Variants in MBTD1 observed in about 807,000 individuals in gnomAD.
MBTD1 encodes MBT domain-containing protein 1.
In MBTD1, 24 loss-of-function variants were observed where a neutral mutation model predicts 87.8. The observed-to-expected ratio is 0.27, with a 90% CI of 0.20 to 0.38. MBTD1 has a LOEUF of 0.38. Among genes scored for constraint, MBTD1 ranks in the 10% least tolerant of loss-of-function variants. MBTD1 has a pLI of 1.00. For missense variants in MBTD1, 436 were observed against 760.2 expected, an observed-to-expected ratio of 0.57 and a Z score of 5.02; for synonymous variants, 237 against 248.6, an observed-to-expected ratio of 0.95 and a Z score of 0.44.
chr17:51,194,843 T>C lies in MBTD1; in HGVS notation c.1372+371A>G, dbSNP rs546906687. 3.3e-5 allele frequency among the ~76,000 whole-genome samples: 5 copies of C among 152,064 alleles called. No individual in the cohort carries two copies. In the East Asian group the frequency reaches 7.7e-4, roughly 24 times the overall value. On this transcript the variant is annotated intron_variant, in intron 13 of 16. Coordinates refer to ENST00000586178, the MANE Select transcript of MBTD1 (RefSeq NM_017643.3). Reference sequence around the variant, plus strand: ...GAGTTGAAGTTACCGTGAGCTATGATTGTGCCACTGCACTCCAGCCTGGGC... The same window carrying C: ...GAGTTGAAGTTACCGTGAGCTATGACTGTGCCACTGCACTCCAGCCTGGGC...
chr17:51,220,423 A>G lies in MBTD1; in HGVS notation c.195T>C (p.Ala65=). The change falls in exon 4 of 17, where the codon GCT becomes GCC. Residue 65 remains alanine, a synonymous_variant. Transcript: ENST00000586178. The part of the protein sequence containing the change: ...EMCGMVGVRD[A]FYSKTKRFCS... ...AGAAACGCTTTGTTTTAGAGTAAAA[A>G]GCATCTCGGACGCCAACCATCCCAC... 3 of 1,549,576 alleles carry G rather than the reference A, an allele frequency of 1.9e-6. No individual in the cohort carries two copies. Among genetic ancestry groups the G allele is most frequent in the Non-Finnish European group, 1.7e-6 (2 of 1,145,326 alleles).
At chr17:51,258,101 G>C (rs2055199844) in intron 2 of MBTD1, among the ~76,000 whole-genome samples, 1 of 151,656 alleles carries the variant, frequency 6.6e-6, no homozygotes, top group Non-Finnish European at 1.5e-5. Context: ...AAGTCCACAA[G>C]AGCAAAGCAA....
chr17:51,180,560 C>CA lies in MBTD1; in HGVS notation c.*15dup, dbSNP rs1568138121. ...TGTAAAATCCTTCCCCACCCGCCCT[C>CA]AGTTTCTAAGCCACCTCATGGCTCT... On this transcript the variant is annotated 3_prime_UTR_variant, in exon 17 of 17. Coordinates refer to ENST00000586178, the MANE Select transcript of MBTD1 (RefSeq NM_017643.3). 1 of 1,406,816 alleles carries CA rather than the reference C, an allele frequency of 7.1e-7. No homozygotes were observed. The highest frequency in any genetic ancestry group is 2.0e-5 in the Admixed American group (1 of 49,622). The allele number at this position is 1,406,816 out of a possible 1,614,324, so 87.1% of individuals were successfully genotyped here.
Position 51,193,031 on chromosome 17 carries a change from A to G in MBTD1, c.1456-15T>C. 2 of 1,567,646 alleles carry G rather than the reference A, an allele frequency of 1.3e-6. No individual in the cohort carries two copies. The highest frequency in any genetic ancestry group is 1.8e-6 in the Non-Finnish European group (2 of 1,138,698). On this transcript the variant is annotated splice_polypyrimidine_tract_variant and intron_variant, in intron 14 of 16. Transcript: ENST00000586178. ...TTTGGAACATCCTGACACAGAGAAG[A>G]AAACATTAATATTGGTATGAAGAAG... is the stretch of plus-strand genomic sequence containing the variant.
chr17:51,186,668 G>C (rs1175595133), intron 16 of MBTD1, among the ~76,000 whole-genome samples: 2 of 152,068 alleles, frequency 1.3e-5, no homozygotes, highest in Non-Finnish European at 2.9e-5. Context: ...CAGCTACTCG[G>C]GAGGCTGAGG....
chr17:51,249,315 T>C (rs890696302), intron 2 of MBTD1, among the ~76,000 whole-genome samples: 18 of 152,194 alleles, frequency 1.2e-4, no homozygotes, highest in African/African-American at 4.1e-4. Context: ...TTATATTATT[T>C]AGATCTTTTA....
intron 6 of MBTD1, among the ~76,000 whole-genome samples, chr17:51,214,399 G>C: frequency 6.6e-6 from 1 of 152,110 alleles, no homozygotes; most frequent in Non-Finnish European, 1.5e-5. Flanking sequence ...TATCAAAAAA[G>C]ATATAGTCCT....
rs1382796865 is a variant in MBTD1, at chr17:51,201,715, G to A, written c.1120-19C>T. ...CTTTTACCTAAAGAATTATATGAAAGCACATCTACTGTTACAAATGTTGTT... is the reference window on the plus strand; with the variant it reads ...CTTTTACCTAAAGAATTATATGAAAACACATCTACTGTTACAAATGTTGTT... On this transcript the variant is annotated intron_variant, in intron 11 of 16. Transcript: ENST00000586178. 2 of 1,387,072 alleles carry A rather than the reference G, an allele frequency of 1.4e-6. No individual in the cohort carries two copies. The highest frequency in any genetic ancestry group is 2.9e-5 in the African/African-American group (2 of 70,078). 85.9% of individuals were successfully genotyped at this position (1,387,072 alleles called of 1,614,324 possible). A position where few individuals can be genotyped will look rare whatever the true frequency, so the allele number is the denominator to read the frequency against.
rs979721134 is a variant in MBTD1 at position 51,186,761 on chromosome 17, A to T, written c.1768+5442T>A. ...TGCACTCCAACCTGGGCGACAAAGC[A>T]AGACTCTCGTCTCAAAAAAAAAAAC... On this transcript the variant is annotated intron_variant, in intron 16 of 16. Transcript: ENST00000586178. 4.0e-5 allele frequency among the ~76,000 whole-genome samples: 6 copies of T among 151,866 alleles called. No homozygotes were observed. In the South Asian group the frequency reaches 8.3e-4, roughly 21 times the overall value.
intron 6 of MBTD1, among the ~76,000 whole-genome samples, chr17:51,210,591 A>G (rs1347754704): frequency 1.3e-5 from 2 of 151,950 alleles, no homozygotes; most frequent in African/African-American, 2.4e-5. Context: ...TCCTGTCTCT[A>G]TTAAAAATAC....
intron 6 of MBTD1, among the ~76,000 whole-genome samples, chr17:51,208,359 C>T (rs987198582): frequency 6.6e-5 from 10 of 152,138 alleles, no homozygotes; most frequent in African/African-American, 1.7e-4. Flanking sequence ...ACTATCTCCC[C>T]GACTTGTGCA....
chr17:51,260,880 T>C, upstream of MBTD1: 1 of 1,600,598 alleles, frequency 6.2e-7, no homozygotes, highest in South Asian at 1.1e-5. Flanking sequence ...TTCGGCGACG[T>C]CGAGAACGAC....
At chr17:51,207,830 T>C (rs1281168719) in intron 6 of MBTD1, among the ~76,000 whole-genome samples, 2 of 152,218 alleles carry the variant, frequency 1.3e-5, no homozygotes, top group African/African-American at 2.4e-5. Context: ...ACTTATGCAA[T>C]GGTAAATTAA....
intron 2 of MBTD1, among the ~76,000 whole-genome samples, chr17:51,249,016 C>T (rs1439758605): frequency 6.6e-6 from 1 of 151,016 alleles, no homozygotes; most frequent in East Asian, 1.9e-4. Context: ...TATGGGAGGC[C>T]AAGGCAGGAA....
intron 6 of MBTD1, among the ~76,000 whole-genome samples, chr17:51,208,848 G>A (rs2052008064): frequency 6.6e-6 from 1 of 152,124 alleles, no homozygotes; most frequent in South Asian, 2.1e-4. Flanking sequence ...TTTTATTAAA[G>A]AAAACAAAAT....
rs2050220261 is a variant in MBTD1, at chr17:51,179,508, A to ATATATATATATT, written c.*1067_*1068insAATATATATATA. ...TTTATATATATATATATATATATAT[A>ATATATATATATT]TATATATATATATATATATATATAT... On this transcript the variant is annotated 3_prime_UTR_variant, in exon 17 of 17. Coordinates refer to ENST00000586178, the MANE Select transcript of MBTD1 (RefSeq NM_017643.3). The ATATATATATATT allele has an allele frequency of 2.4e-5, 2 of 83,810 alleles. No individual in the cohort carries two copies. Among genetic ancestry groups the ATATATATATATT allele is most frequent in the Non-Finnish European group, 5.1e-5 (2 of 38,894 alleles). 5.2% of individuals were successfully genotyped at this position (83,810 alleles called of 1,614,324 possible).
In MBTD1 at chr17:51,241,184, G is replaced by T. The variant is rs149586385; in HGVS notation, c.-48-15975C>A. ...GAGACGGAGTTTTGCCATGTTGCCAGGCTAGTCTCAAACTCCTGGCCTCAT... is the reference window on the plus strand; with the variant it reads ...GAGACGGAGTTTTGCCATGTTGCCATGCTAGTCTCAAACTCCTGGCCTCAT... On this transcript the variant is annotated intron_variant, in intron 2 of 16. Coordinates refer to ENST00000586178, the MANE Select transcript of MBTD1 (RefSeq NM_017643.3). Among the ~76,000 whole-genome samples the T allele has an allele frequency of 9.9e-5, 15 of 152,166 alleles. 2 individuals carry two copies. The highest frequency in any genetic ancestry group is 3.6e-4 in the African/African-American group (15 of 41,530).
intron 2 of MBTD1, chr17:51,256,761 A>G (rs1047648412): frequency 1.3e-5 from 2 of 152,234 alleles, no homozygotes; most frequent in African/African-American, 4.8e-5. Context: ...GACAGCAAAG[A>G]TATAGGAAAT....
rs556462526 is a variant in MBTD1, at chr17:51,244,729, T to G, written c.-49+14414A>C. On this transcript the variant is annotated intron_variant, in intron 2 of 16. Coordinates refer to ENST00000586178, the MANE Select transcript of MBTD1 (RefSeq NM_017643.3). Reference sequence around the variant, plus strand: ...GACCTCCTGTGTCCTTTTGACATACTTCCATCTTTTTTTTGAGGAATTCCT... The same window carrying G: ...GACCTCCTGTGTCCTTTTGACATACGTCCATCTTTTTTTTGAGGAATTCCT... Among the ~76,000 whole-genome samples the G allele has an allele frequency of 2.7e-5, 4 of 147,808 alleles. No homozygotes were observed. The East Asian group carries it at 7.7e-4, about 29-fold the overall frequency.
Sources: gnomAD v4.1 joint callset for allele counts (sites outside exome capture counted in the v4.1 genomes callset) on GRCh38, gnomAD v4.1.1 for gene constraint, MANE v1.5 for transcripts, NCBI Gene and HGNC (gene_info 2026-07-23, HGNC 2026-07-21) for gene names.